TMEM132D: variants seen among roughly 807,000 people sequenced by gnomAD.
TMEM132D encodes the protein mature OL transmembrane protein.
In TMEM132D, 21 loss-of-function variants were observed where a neutral mutation model predicts 62.3. That is an observed-to-expected ratio of 0.34 (90% CI 0.24 to 0.49). The LOEUF (loss-of-function observed/expected upper bound fraction) is 0.49. TMEM132D is among the 20% of genes least tolerant of loss of function. The probability of loss-of-function intolerance (pLI) is 0.99; values close to 1 mark genes in which losing one functional copy is unlikely to be tolerated. For synonymous variants in TMEM132D, 621 were observed against 575.6 expected (o/e 1.08, Z -1.13); for missense variants, 1,346 against 1,402.8 (o/e 0.96, Z 0.65).
intron 1 of TMEM132D, among the ~76,000 whole-genome samples, chr12:129,735,331 C>T (rs886907552): frequency 6.6e-5 from 10 of 152,218 alleles, no homozygotes; most frequent in Non-Finnish European, 1.3e-4. Context: ...GTATCCTACA[C>T]ACCACCTGGC....
intron 4 of TMEM132D, among the ~76,000 whole-genome samples, chr12:129,271,390 T>G (rs529849783): frequency 6.6e-6 from 1 of 151,774 alleles, no homozygotes; most frequent in Non-Finnish European, 1.5e-5. Context: ...CTTTTTTCTT[T>G]TTGATTTTTT....
At chr12:129,202,075 T>C (rs1351781587) in intron 5 of TMEM132D, among the ~76,000 whole-genome samples, 1 of 152,108 alleles carries the variant, frequency 6.6e-6, no homozygotes, top group African/African-American at 2.4e-5. Flanking sequence ...CTTGACGCAA[T>C]TTACAATTCA....
chr12:129,558,474 G>A (rs182356743), intron 2 of TMEM132D, among the ~76,000 whole-genome samples: 70 of 152,252 alleles, frequency 4.6e-4, no homozygotes, highest in African/African-American at 1.6e-3. Context: ...GGGGCTACAG[G>A]CGACTAGATC....
chr12:129,584,535 G>T (rs776722251), intron 2 of TMEM132D, among the ~76,000 whole-genome samples: 2 of 152,166 alleles, frequency 1.3e-5, no homozygotes, highest in African/African-American at 2.4e-5. Flanking sequence ...TTGGCCTCTG[G>T]TTCGTGGCAA....
chr12:129,309,824 A>AG lies in TMEM132D; in HGVS notation c.1299+27809dup, dbSNP rs138402446. ...CAGGCCGGAAAATCGAGGAATCCTG[A>AG]GGGAAAAAAGCAAAGCTACATTTAA... On this transcript the variant is annotated intron_variant, in intron 4 of 8. Transcript: ENST00000422113. Among the ~76,000 whole-genome samples the AG allele has an allele frequency of 4.7e-3, 716 of 151,848 alleles. 5 individuals carry two copies. The highest frequency in any genetic ancestry group is 7.6e-3 in the Non-Finnish European group (518 of 68,022).
intron 6 of TMEM132D, among the ~76,000 whole-genome samples, chr12:129,082,503 C>T (rs1028182089): frequency 6.6e-6 from 1 of 152,174 alleles, no homozygotes; most frequent in African/African-American, 2.4e-5. Context: ...TAGAGATTTC[C>T]ACCCAGCTAG....
chr12:129,643,855 T>TC (rs1879702677), intron 2 of TMEM132D, among the ~76,000 whole-genome samples: 1 of 151,684 alleles, frequency 6.6e-6, no homozygotes, highest in Admixed American at 6.6e-5. Flanking sequence ...CCATTTTTTT[T>TC]TTTTTTTTGA....
At chr12:129,871,073 C>T (rs1874225389) in intron 1 of TMEM132D, among the ~76,000 whole-genome samples, 1 of 152,070 alleles carries the variant, frequency 6.6e-6, no homozygotes, top group Non-Finnish European at 1.5e-5. Context: ...TGCCCATTTC[C>T]CTTTGGAATT....
chr12:129,335,592 T>G (rs571980143), intron 4 of TMEM132D, among the ~76,000 whole-genome samples: 8 of 152,336 alleles, frequency 5.3e-5, no homozygotes, highest in Non-Finnish European at 1.0e-4. Context: ...GTTATTCTTT[T>G]TCCTGGGAGA....
At chr12:129,497,786 A>G (rs1434490852) in intron 3 of TMEM132D, among the ~76,000 whole-genome samples, 2 of 152,024 alleles carry the variant, frequency 1.3e-5, no homozygotes, top group Non-Finnish European at 2.9e-5. Flanking sequence ...CAGCTTCCCG[A>G]GTAGCTGGGA....
chr12:129,699,776 G>C (rs2137224991), intron 2 of TMEM132D, 34 bp downstream of exon 2: 9 of 1,603,898 alleles, frequency 5.6e-6, no homozygotes, highest in Non-Finnish European at 7.7e-6. Context: ...CTGATCGACG[G>C]GCGGGTACAG....
intron 2 of TMEM132D, among the ~76,000 whole-genome samples, chr12:129,631,590 T>C (rs1053735024): frequency 5.3e-5 from 8 of 152,138 alleles, no homozygotes; most frequent in Non-Finnish European, 1.0e-4. Context: ...GAATGTCTCA[T>C]AGGAGCAGAA....
chr12:129,566,181 CA>C (rs1299463312), intron 2 of TMEM132D, among the ~76,000 whole-genome samples: 1 of 152,106 alleles, frequency 6.6e-6, no homozygotes, highest in Non-Finnish European at 1.5e-5. Context: ...GAAAAATGAA[CA>C]AAGTGAGCTA....
chr12:129,239,012 TG>T (rs748811032), intron 4 of TMEM132D, among the ~76,000 whole-genome samples: 2 of 150,236 alleles, frequency 1.3e-5, no homozygotes, highest in Admixed American at 6.6e-5. Context: ...TTTTTTTTTT[TG>T]GACAGTAACT....
chr12:129,884,124 G>A (rs1410835782), intron 1 of TMEM132D, among the ~76,000 whole-genome samples: 1 of 152,128 alleles, frequency 6.6e-6, no homozygotes, highest in Non-Finnish European at 1.5e-5. Flanking sequence ...TAGAGACGGA[G>A]TCTCACTATG....
intron 5 of TMEM132D, among the ~76,000 whole-genome samples, chr12:129,096,630 C>T (rs1439131576): frequency 6.6e-6 from 1 of 152,154 alleles, no homozygotes; most frequent in Non-Finnish European, 1.5e-5. Context: ...GCTACCAGCA[C>T]TCCTTGAGGC....
chr12:129,347,240 T>C (rs2135665666), intron 3 of TMEM132D, among the ~76,000 whole-genome samples: 1 of 152,154 alleles, frequency 6.6e-6, no homozygotes, highest in African/African-American at 2.4e-5. Context: ...AAAAAGAGCC[T>C]CTATAGCCAA....
intron 1 of TMEM132D, among the ~76,000 whole-genome samples, chr12:129,705,819 T>C (rs938752699): frequency 1.3e-5 from 2 of 152,016 alleles, no homozygotes; most frequent in African/African-American, 2.4e-5. Flanking sequence ...AAATTCAGAA[T>C]CCAAACACTA....
chr12:129,147,750 G>T (rs1331344406), intron 5 of TMEM132D, among the ~76,000 whole-genome samples: 3 of 152,156 alleles, frequency 2.0e-5, no homozygotes, highest in Admixed American at 2.0e-4. Context: ...CCTGGTCAAG[G>T]TGTTGGCTGC....
Sources: allele counts gnomAD v4.1 joint callset (sites outside exome capture counted in the v4.1 genomes callset), GRCh38; gene constraint gnomAD v4.1.1; transcripts MANE v1.5; gene names NCBI Gene and HGNC (gene_info 2026-07-23, HGNC 2026-07-21).